PRSS12: variants seen among roughly 807,000 people sequenced by gnomAD.
PRSS12 encodes the protein neurotrypsin.
PRSS12 carries 85 observed loss-of-function variants against 104.4 expected under a neutral mutation model. That is an observed-to-expected ratio of 0.81 (90% confidence interval 0.68 to 0.98). PRSS12 has a LOEUF of 0.98. Among genes scored for constraint, PRSS12 ranks in the 50% least tolerant of loss-of-function variants. PRSS12 has a pLI of 0.00. For missense variants in PRSS12, 1,141 were observed against 1,139.2 expected, an observed-to-expected ratio of 1.00 and a Z score of -0.02; for synonymous variants, 454 against 425.2, an observed-to-expected ratio of 1.07 and a Z score of -0.83.
chr4:118,305,138 T>C (rs191214628), intron 8 of PRSS12, among the ~76,000 whole-genome samples: 8,954 of 148,568 alleles, frequency 0.06, 366 homozygotes, highest in Non-Finnish European at 0.091. Context: ...CACACACACA[T>C]ATATATATAT....
In PRSS12 at chr4:118,295,070, A is replaced by T. The variant is rs749963084; in HGVS notation, c.1917-9T>A. ...GCCAAGGCCAACCACCCCTAAGAAGAAAATGAGCTACACATCAACGTCAGT... is the reference window on the plus strand; with the variant it reads ...GCCAAGGCCAACCACCCCTAAGAAGTAAATGAGCTACACATCAACGTCAGT... On this transcript the variant is annotated splice_polypyrimidine_tract_variant and intron_variant, in intron 10 of 12. Transcript: ENST00000296498. The T allele has an allele frequency of 1.8e-5, 29 of 1,613,588 alleles. No individual in the cohort carries two copies. Among genetic ancestry groups the T allele is most frequent in the Admixed American group, 8.3e-5 (5 of 59,970 alleles).
At chr4:118,316,825 G>GAAA (rs1553956358) in intron 5 of PRSS12, among the ~76,000 whole-genome samples, 5,894 of 91,494 alleles carry the variant, frequency 0.064, 343 homozygotes, top group Middle Eastern at 0.12. Flanking sequence ...CCGTCTCACG[G>GAAA]AAAAAAAAAA....
Position 118,335,369 on chromosome 4 carries a change from T to A in PRSS12, c.820+104A>T, listed in dbSNP as rs898453140. On this transcript the variant is annotated intron_variant, in intron 3 of 12. Coordinates refer to ENST00000296498, the MANE Select transcript of PRSS12 (RefSeq NM_003619.4). ...TTTGACTCAGACTTATTTCTGTAAT[T>A]AAAGTCTTTAAGGAAATGATTATAA... 5 of 1,328,096 alleles carry A rather than the reference T, an allele frequency of 3.8e-6. No individual in the cohort carries two copies. In the Admixed American group the frequency reaches 1.1e-4, roughly 30 times the overall value. 82.3% of individuals were successfully genotyped at this position (1,328,096 alleles called of 1,614,324 possible). A position where few individuals can be genotyped will look rare whatever the true frequency, so the allele number is the denominator to read the frequency against.
chr4:118,330,084 C>T (rs1052127790), intron 4 of PRSS12, among the ~76,000 whole-genome samples: 4 of 152,124 alleles, frequency 2.6e-5, no homozygotes, highest in African/African-American at 7.2e-5. Context: ...CACAGCAAAA[C>T]CTGTTGACAC....
At chr4:118,296,333 T>A (rs1743253920) in intron 9 of PRSS12, among the ~76,000 whole-genome samples, 1 of 152,232 alleles carries the variant, frequency 6.6e-6, no homozygotes. Flanking sequence ...GATCTGAATT[T>A]ACATTTACTT....
chr4:118,338,153 T>G (rs1724107397), intron 2 of PRSS12, 23 bp downstream of exon 2: 29 of 1,613,852 alleles, frequency 1.8e-5, no homozygotes, highest in Non-Finnish European at 2.4e-5. Context: ...CTGACTGATT[T>G]GGTCAGGGAT....
At chr4:118,331,258 G>A (rs1223339616) in intron 4 of PRSS12, among the ~76,000 whole-genome samples, 2 of 152,130 alleles carry the variant, frequency 1.3e-5, no homozygotes, top group Non-Finnish European at 2.9e-5. Flanking sequence ...CCCTACAGGG[G>A]AATTATCTCC....
chr4:118,316,183 T>A lies in PRSS12; in HGVS notation c.1291A>T (p.Lys431Ter). 2 of 1,614,026 alleles carry A rather than the reference T, an allele frequency of 1.2e-6. No individual in the cohort carries two copies. Among genetic ancestry groups the A allele is most frequent in the Non-Finnish European group, 1.7e-6 (2 of 1,179,976 alleles). ...TYVVCRQLGF[K>*]YGKQASANHF... is the part of the protein sequence containing the mutation. ...GCCTTTATAATTAATGAACCTTACT[T>A]AAATCCCAATTGTCGACAAACCACG... The change falls in exon 6 of 13, where the codon AAA (lysine) becomes TAA (stop). Residue 431 changes from lysine to a stop codon, truncating the protein, a stop_gained and splice_region_variant. Coordinates refer to ENST00000296498, the MANE Select transcript of PRSS12 (RefSeq NM_003619.4). LOFTEE classifies it high-confidence loss of function.
intron 11 of PRSS12, among the ~76,000 whole-genome samples, chr4:118,288,461 A>G (rs908545839): frequency 1.3e-5 from 2 of 152,212 alleles, no homozygotes; most frequent in African/African-American, 4.8e-5. Flanking sequence ...CTCTGTGGCC[A>G]TCTCTCTAAT....
chr4:118,331,823 C>T lies in PRSS12; in HGVS notation c.864G>A (p.Val288=), dbSNP rs369511021. ...PIIRLAGGSS[V]HEGRVELYHA... is the part of the protein sequence containing the mutation. ...GGTAGAGCTCCACCCGGCCTTCATG[C>T]ACACTGCTGCCTCCAGCAAGGCGAA... Residue 288 remains valine (V), a synonymous_variant, in exon 4 of 13, where the codon GTG becomes GTA. Coordinates refer to ENST00000296498, the MANE Select transcript of PRSS12 (RefSeq NM_003619.4). 6.2e-7 allele frequency: 1 copy of T among 1,614,058 alleles called. No homozygotes were observed. Among genetic ancestry groups the T allele is most frequent in the Non-Finnish European group, 8.5e-7 (1 of 1,180,040 alleles).
intron 11 of PRSS12, among the ~76,000 whole-genome samples, chr4:118,284,222 T>C (rs976475737): frequency 6.6e-6 from 1 of 152,172 alleles, no homozygotes; most frequent in African/African-American, 2.4e-5. Flanking sequence ...CACTGGTACA[T>C]GGTACACAAA....
rs777563042 is a variant in PRSS12 at position 118,282,880 on chromosome 4, CCTCT to C, written c.2267_2270del (p.Glu756GlyfsTer11). ...AACAGTTGGATGCTGTTTTCTGTGG[CCTCT>C]CTCTCCAGAGTGGTAAACAGGCTGG... On this transcript the variant is annotated frameshift_variant, in exon 12 of 13. Coordinates refer to ENST00000296498, the MANE Select transcript of PRSS12 (RefSeq NM_003619.4). LOFTEE classifies it high-confidence loss of function. The C allele has an allele frequency of 3.1e-6, 5 of 1,614,036 alleles. No individual in the cohort carries two copies. The African/African-American group carries it at 4.0e-5, about 13-fold the overall frequency.
At chr4:118,317,205 A>C (rs1009405189) in intron 5 of PRSS12, among the ~76,000 whole-genome samples, 3 of 152,148 alleles carry the variant, frequency 2.0e-5, no homozygotes, top group Non-Finnish European at 4.4e-5. Flanking sequence ...TTTTATTGAT[A>C]ATACAGATCT....
chr4:118,291,983 C>A (rs1743138704), intron 11 of PRSS12, among the ~76,000 whole-genome samples: 1 of 151,864 alleles, frequency 6.6e-6, no homozygotes, highest in African/African-American at 2.4e-5. Context: ...CTTGGAGGAC[C>A]AGTCAATAAG....
chr4:118,337,532 C>T (rs1724090177), intron 2 of PRSS12, among the ~76,000 whole-genome samples: 1 of 152,134 alleles, frequency 6.6e-6, no homozygotes, highest in Admixed American at 6.6e-5. Context: ...TACAGTGGAG[C>T]CAGTTCCCAG....
rs781672708 is a variant in PRSS12 at position 118,282,163 on chromosome 4, G to A, written c.2401C>T (p.Arg801Trp). Residue 801 changes from arginine to tryptophan, a missense_variant, in exon 13 of 13, where the codon CGG (arginine) becomes TGG (tryptophan). Arg to Trp is a moderately radical substitution (Grantham distance 101, BLOSUM62 -3). Coordinates refer to ENST00000296498, the MANE Select transcript of PRSS12 (RefSeq NM_003619.4). ...KRFCEERYKG[R>W]FTGRMLCAGN... ...GCACAAAGCATTCTCCCTGTAAACCGACCCTTATAACGTTCTTCACAAAAC... is the reference window on the plus strand; with the variant it reads ...GCACAAAGCATTCTCCCTGTAAACCAACCCTTATAACGTTCTTCACAAAAC... 6.2e-6 allele frequency: 10 copies of A among 1,614,144 alleles called. No homozygotes were observed. The highest frequency in any genetic ancestry group is 2.2e-5 in the South Asian group (2 of 91,072).
At chr4:118,323,293 T>C (rs1044906605) in intron 4 of PRSS12, among the ~76,000 whole-genome samples, 1 of 151,924 alleles carries the variant, frequency 6.6e-6, no homozygotes, top group African/African-American at 2.4e-5. Context: ...TGCCCTGAGA[T>C]AAATGCCACC....
At chr4:118,313,076 GAC>G in intron 7 of PRSS12, 123 bp downstream of exon 7, 1 of 1,021,228 alleles carries the variant, frequency 9.8e-7, no homozygotes, top group Non-Finnish European at 1.4e-6. Context: ...CTGAAAATTA[GAC>G]AGTTATGGGA....
rs200067858 is a variant in PRSS12, at chr4:118,313,404, C to A, written c.1293-7G>T. 1.2e-6 allele frequency: 2 copies of A among 1,613,474 alleles called. No homozygotes were observed. The highest frequency in any genetic ancestry group is 1.7e-6 in the Non-Finnish European group (2 of 1,179,532). ...AGATGCTTGTTTACCATATCTGTGA[C>A]AATTGAATAAACACTGTGTATAGAA... On this transcript the variant is annotated splice_region_variant and splice_polypyrimidine_tract_variant and intron_variant, in intron 6 of 12. Coordinates refer to ENST00000296498, the MANE Select transcript of PRSS12 (RefSeq NM_003619.4).
Sources: gnomAD v4.1 joint callset for allele counts (sites outside exome capture counted in the v4.1 genomes callset) on GRCh38, gnomAD v4.1.1 for gene constraint, MANE v1.5 for transcripts, NCBI Gene and HGNC (gene_info 2026-07-23, HGNC 2026-07-21) for gene names.